Variants in LARS2 observed in about 807,000 individuals in gnomAD.
LARS2 encodes leucine--tRNA ligase, mitochondrial.
In LARS2, 81 loss-of-function variants were observed where a neutral mutation model predicts 116.6. That is an observed-to-expected ratio of 0.69 (90% CI 0.58 to 0.84). The LOEUF is 0.84. Among genes scored for constraint, LARS2 ranks in the 40% least tolerant of loss-of-function variants. The probability of loss-of-function intolerance (pLI) is 0.00; values close to 1 mark genes in which losing one functional copy is unlikely to be tolerated. For missense variants in LARS2, 968 were observed against 1,114.5 expected, an observed-to-expected ratio of 0.87 and a Z score of 1.87; for synonymous variants, 396 against 407.2, an observed-to-expected ratio of 0.97 and a Z score of 0.33.
At chr3:45,518,786 C>T (rs1456080741) in intron 18 of LARS2, among the ~76,000 whole-genome samples, 2 of 152,082 alleles carry the variant, frequency 1.3e-5, no homozygotes, top group African/African-American at 4.8e-5. Context: ...TGTCGCTCAT[C>T]TGCACTCTGA....
At chr3:45,533,353 T>C (rs988718835) in intron 20 of LARS2, among the ~76,000 whole-genome samples, 3 of 151,944 alleles carry the variant, frequency 2.0e-5, no homozygotes, top group Non-Finnish European at 1.5e-5. Context: ...GGTTTCACCA[T>C]GTTGGTCAGG....
In LARS2 at chr3:45,458,941, C is replaced by T; in HGVS notation, c.750+55C>T. 5 of 1,571,908 alleles carry T rather than the reference C, an allele frequency of 3.2e-6. No individual in the cohort carries two copies. The South Asian group carries it at 4.4e-5, about 14-fold the overall frequency. ...ATGCCTTACATGCTGGCAGGCAACA[C>T]CAAAGGCTTCTGGGTATGAGAGAGC... On this transcript the variant is annotated intron_variant, in intron 8 of 21. Coordinates refer to ENST00000645846, the MANE Select transcript of LARS2 (RefSeq NM_015340.4).
chr3:45,425,331 A>G (rs1698576344), intron 6 of LARS2, among the ~76,000 whole-genome samples: 1 of 152,218 alleles, frequency 6.6e-6, no homozygotes, highest in Non-Finnish European at 1.5e-5. Context: ...GAGCTTTATC[A>G]GCCAGAGGGA....
chr3:45,514,936 C>T (rs567338049), intron 16 of LARS2, among the ~76,000 whole-genome samples: 6 of 152,320 alleles, frequency 3.9e-5, no homozygotes, highest in South Asian at 4.1e-4. Context: ...TCCCTTCCCA[C>T]GTAGTCTTGC....
intron 20 of LARS2, among the ~76,000 whole-genome samples, chr3:45,538,007 C>T (rs1467144219): frequency 1.3e-5 from 2 of 152,198 alleles, no homozygotes; most frequent in Non-Finnish European, 2.9e-5. Flanking sequence ...GACTGTGTGT[C>T]CTGAAGGCCA....
chr3:45,484,616 A>ATATATATATATAT (rs1381915093), intron 10 of LARS2, among the ~76,000 whole-genome samples: 4 of 13,618 alleles, frequency 2.9e-4, no homozygotes, highest in African/African-American at 4.6e-4. Context: ...AAAAAAAAAA[A>ATATATATATATAT]AAAAAAAAAA....
Position 45,484,674 on chromosome 3 carries a change from A to G in LARS2, c.1019-1018A>G, listed in dbSNP as rs557399074. 3.3e-5 allele frequency among the ~76,000 whole-genome samples: 4 copies of G among 122,856 alleles called. 1 individual carries two copies. The South Asian group carries it at 1.1e-3, about 34-fold the overall frequency. The allele number at this position is 122,856 out of a possible 152,430, so 80.6% of individuals were successfully genotyped here. On this transcript the variant is annotated intron_variant, in intron 10 of 21. Coordinates refer to ENST00000645846, the MANE Select transcript of LARS2 (RefSeq NM_015340.4). ...TTAAAATAAGATGTTATTTTAAATA[A>G]CAATACAATGTAATAGAATTATTGT...
At chr3:45,465,174 C>T (rs1472383444) in intron 8 of LARS2, among the ~76,000 whole-genome samples, 2 of 152,188 alleles carry the variant, frequency 1.3e-5, no homozygotes, top group African/African-American at 4.8e-5. Context: ...TCCCAGGGAT[C>T]TGGTTTTGAC....
At chr3:45,518,737 A>G (rs1390258925) in intron 18 of LARS2, among the ~76,000 whole-genome samples, 1 of 152,208 alleles carries the variant, frequency 6.6e-6, no homozygotes, top group Non-Finnish European at 1.5e-5. Context: ...TGATTTAAAA[A>G]AAAAAAAGTT....
intron 4 of LARS2, among the ~76,000 whole-genome samples, chr3:45,409,239 T>C (rs1050569942): frequency 1.6e-4 from 24 of 152,228 alleles, no homozygotes; most frequent in African/African-American, 5.8e-4. Context: ...AGTTAGCACA[T>C]GTGAGCTGTA....
intron 15 of LARS2, among the ~76,000 whole-genome samples, chr3:45,506,393 C>G (rs1366583210): frequency 6.6e-6 from 1 of 152,056 alleles, no homozygotes. Flanking sequence ...ATTTGGAATT[C>G]TACAGTCAGA....
chr3:45,425,607 A>G (rs181611291), intron 6 of LARS2, among the ~76,000 whole-genome samples: 1 of 152,332 alleles, frequency 6.6e-6, no homozygotes, highest in Admixed American at 6.5e-5. Context: ...TAGCCTGTAT[A>G]AAGTAGGGTG....
chr3:45,524,495 C>T (rs777127663), intron 20 of LARS2, among the ~76,000 whole-genome samples: 1 of 152,170 alleles, frequency 6.6e-6, no homozygotes, highest in Non-Finnish European at 1.5e-5. Context: ...CACTGTAATT[C>T]AGCACTCTTC....
chr3:45,527,020 C>T (rs1297069152), intron 20 of LARS2, among the ~76,000 whole-genome samples: 1 of 152,176 alleles, frequency 6.6e-6, no homozygotes, highest in Non-Finnish European at 1.5e-5. Context: ...AAGTGGGTCT[C>T]AGATGCATGC....
At chr3:45,390,295 C>T in intron 1 of LARS2, among the ~76,000 whole-genome samples, 1 of 151,984 alleles carries the variant, frequency 6.6e-6, no homozygotes, top group Middle Eastern at 3.4e-3. Flanking sequence ...TTCCTTTGCC[C>T]ATTTTTATTT....
chr3:45,465,371 G>A (rs922417114), intron 8 of LARS2, among the ~76,000 whole-genome samples: 9 of 152,096 alleles, frequency 5.9e-5, no homozygotes, highest in Non-Finnish European at 1.2e-4. Flanking sequence ...TTGCTGGCCA[G>A]AGTGGCCAGT....
Position 45,524,015 on chromosome 3 carries a change from A to G in LARS2, c.2311A>G (p.Ile771Val), listed in dbSNP as rs1310264352. Residue 771 changes from isoleucine (I) to valine (V), a missense_variant, in exon 20 of 22, where the codon ATT becomes GTT. Coordinates refer to ENST00000645846, the MANE Select transcript of LARS2 (RefSeq NM_015340.4). The part of the protein sequence containing the change: ...NALSQASQSV[I>V]LHSPEFEDAL... ...TCCTTAGCAAGCCTCTCAGAGCGTC[A>G]TTCTCCACAGCCCCGAGTTTGAGGA... 1 of 1,613,806 alleles carries G rather than the reference A, an allele frequency of 6.2e-7. No individual in the cohort carries two copies. The highest frequency in any genetic ancestry group is 8.5e-7 in the Non-Finnish European group (1 of 1,179,888).
At chr3:45,436,361 A>T (rs1246321125) in intron 6 of LARS2, among the ~76,000 whole-genome samples, 2 of 151,726 alleles carry the variant, frequency 1.3e-5, no homozygotes, top group Non-Finnish European at 2.9e-5. Flanking sequence ...AAAAAAAAAC[A>T]AAAACAGGGA....
intron 6 of LARS2, among the ~76,000 whole-genome samples, chr3:45,429,245 G>A (rs1290040522): frequency 1.3e-5 from 2 of 152,162 alleles, no homozygotes; most frequent in African/African-American, 4.8e-5. Context: ...CTCTGCGAGC[G>A]TCTTACAAGG....
Sources: allele counts gnomAD v4.1 joint callset (sites outside exome capture counted in the v4.1 genomes callset), GRCh38; gene constraint gnomAD v4.1.1; transcripts MANE v1.5; gene names NCBI Gene and HGNC (gene_info 2026-07-23, HGNC 2026-07-21).